The following FRMD4A variants were observed in gnomAD, a reference collection of about 807,000 sequenced individuals.
The protein encoded by FRMD4A is FERM domain containing 4A.
Under a neutral mutation model 129.1 loss-of-function variants are expected in FRMD4A, and 29 were observed. That is an observed-to-expected ratio of 0.22 (90% CI 0.17 to 0.31). The LOEUF is 0.31. FRMD4A is among the 10% of genes least tolerant of loss of function. FRMD4A has a pLI of 1.00. For missense variants in FRMD4A, 1,272 were observed against 1,375.8 expected, an observed-to-expected ratio of 0.92 and a Z score of 1.19; for synonymous variants, 634 against 571.6, an observed-to-expected ratio of 1.11 and a Z score of -1.56.
intron 9 of FRMD4A, among the ~76,000 whole-genome samples, chr10:13,744,136 C>T (rs900587333): frequency 5.3e-5 from 8 of 152,000 alleles, no homozygotes; most frequent in African/African-American, 1.9e-4. Context: ...GATATGGTTC[C>T]CCGTCTTGGA....
intron 14 of FRMD4A, among the ~76,000 whole-genome samples, chr10:13,698,086 T>TGGAGGGAG (rs11268822): frequency 0.17 from 25,258 of 148,856 alleles, 2,252 homozygotes; most frequent in East Asian, 0.21. Context: ...GGAGAGCTGA[T>TGGAGGGAG]GGAGGGAGGG....
At chr10:13,718,076 G>A (rs182229768) in intron 12 of FRMD4A, among the ~76,000 whole-genome samples, 1 of 152,322 alleles carries the variant, frequency 6.6e-6, no homozygotes, top group Non-Finnish European at 1.5e-5. Context: ...GGAACACCTC[G>A]TGCTTCCAGA....
intron 2 of FRMD4A, among the ~76,000 whole-genome samples, chr10:14,073,864 C>T (rs1190994755): frequency 6.6e-6 from 1 of 152,138 alleles, no homozygotes; most frequent in Non-Finnish European, 1.5e-5. Context: ...GTAATCCCAG[C>T]ACTTTGGAAG....
At chr10:14,061,216 C>T (rs1278695565) in intron 2 of FRMD4A, among the ~76,000 whole-genome samples, 1 of 152,056 alleles carries the variant, frequency 6.6e-6, no homozygotes, top group South Asian at 2.1e-4. Flanking sequence ...GAGGCCGAAG[C>T]GGGTGGACTA....
At chr10:14,061,988 G>A (rs1239312176) in intron 2 of FRMD4A, among the ~76,000 whole-genome samples, 1 of 151,664 alleles carries the variant, frequency 6.6e-6, no homozygotes, top group Non-Finnish European at 1.5e-5. Context: ...GCAGCTAAAG[G>A]AATTCTGACA....
intron 6 of FRMD4A, among the ~76,000 whole-genome samples, chr10:13,772,505 TA>T (rs1189819729): frequency 6.6e-6 from 1 of 152,174 alleles, no homozygotes; most frequent in African/African-American, 2.4e-5. Flanking sequence ...GGGCCAGCCT[TA>T]CAAACATTCT....
chr10:13,654,853 T>C (rs202176317), intron 22 of FRMD4A: 9,696 of 346,382 alleles, frequency 0.028, 591 homozygotes, highest in African/African-American at 0.14. Flanking sequence ...CAGCAAAGAA[T>C]CTGATGTCCC....
intron 2 of FRMD4A, among the ~76,000 whole-genome samples, chr10:14,078,144 G>T (rs372307131): frequency 3.9e-5 from 6 of 152,160 alleles, no homozygotes; most frequent in African/African-American, 1.4e-4. Flanking sequence ...ATGAATAATC[G>T]TAATAAATAC....
In FRMD4A at chr10:13,656,968, G is replaced by T. The variant is rs777524534; in HGVS notation, c.2621C>A (p.Thr874Lys). The T allele has an allele frequency of 6.5e-7, 1 of 1,545,514 alleles. No homozygotes were observed. Among genetic ancestry groups the T allele is most frequent in the Non-Finnish European group, 8.7e-7 (1 of 1,153,352 alleles). ...GCTCTCCTTGAACAGGCCGCCCGCC[G>T]TGTAGGAGTTGGACGTCTTGAACTG... The part of the protein sequence containing the change: ...KAQFKTSNSY[T>K]AGGLFKESWR... The change falls in exon 22 of 25, where the codon ACG becomes AAG. Residue 874 changes from threonine (T) to lysine (K), a missense_variant. By Grantham distance (78) the Thr-to-Lys change is moderately conservative. Transcript: ENST00000357447.
At chr10:14,262,592 C>A (rs1435762209) in intron 2 of FRMD4A, among the ~76,000 whole-genome samples, 2 of 152,276 alleles carry the variant, frequency 1.3e-5, no homozygotes, top group Non-Finnish European at 1.5e-5. Flanking sequence ...CCTCATTCTC[C>A]TGACTCAGTC....
intron 2 of FRMD4A, among the ~76,000 whole-genome samples, chr10:14,051,243 C>T (rs1310268352): frequency 1.3e-5 from 2 of 152,224 alleles, no homozygotes; most frequent in Admixed American, 6.5e-5. Flanking sequence ...CCTCTCCTTA[C>T]CGAGTATCAC....
intron 2 of FRMD4A, among the ~76,000 whole-genome samples, chr10:14,217,584 G>T (rs1283593314): frequency 4.6e-5 from 7 of 152,060 alleles, no homozygotes; most frequent in Non-Finnish European, 8.8e-5. Context: ...GCCCAGTCCT[G>T]GTTATGTCTC....
chr10:14,247,692 G>C (rs1033113748), intron 2 of FRMD4A, among the ~76,000 whole-genome samples: 10 of 152,156 alleles, frequency 6.6e-5, no homozygotes, highest in South Asian at 2.1e-4. Context: ...ATTTAGGGAA[G>C]TCCGAGTGAA....
chr10:14,127,914 C>G (rs958931474), intron 2 of FRMD4A, among the ~76,000 whole-genome samples: 6 of 2,376 alleles, frequency 2.5e-3, no homozygotes, highest in African/African-American at 0.018. Flanking sequence ...TGCTTTCTTT[C>G]TTTCTTTCTT....
At chr10:13,876,022 G>A (rs2094485752) in intron 2 of FRMD4A, among the ~76,000 whole-genome samples, 1 of 152,236 alleles carries the variant, frequency 6.6e-6, no homozygotes, top group Non-Finnish European at 1.5e-5. Flanking sequence ...TTCAATGGAA[G>A]GAAGAACTTT....
chr10:14,095,043 T>C (rs1304318233), intron 2 of FRMD4A, among the ~76,000 whole-genome samples: 1 of 152,164 alleles, frequency 6.6e-6, no homozygotes, highest in Admixed American at 6.5e-5. Flanking sequence ...TGCATGTGTG[T>C]GTATGAACAT....
intron 2 of FRMD4A, among the ~76,000 whole-genome samples, chr10:13,897,542 C>T (rs1232406589): frequency 6.6e-6 from 1 of 152,202 alleles, no homozygotes; most frequent in Non-Finnish European, 1.5e-5. Flanking sequence ...GACCCTATGC[C>T]TGCTGAGTGC....
intron 22 of FRMD4A, chr10:13,655,760 A>ATTTTAT (rs2082088991): frequency 1.3e-5 from 2 of 151,898 alleles, no homozygotes; most frequent in South Asian, 4.2e-4. Context: ...TCTGACTCTC[A>ATTTTAT]TTTTATTCTT....
intron 3 of FRMD4A, among the ~76,000 whole-genome samples, chr10:13,847,480 T>G (rs574473333): frequency 3.1e-4 from 47 of 152,242 alleles, no homozygotes; most frequent in Non-Finnish European, 5.9e-4. Flanking sequence ...CACTCCTCTC[T>G]CAGGGGAGGG....
Sources: allele counts gnomAD v4.1 joint callset (sites outside exome capture counted in the v4.1 genomes callset), GRCh38; gene constraint gnomAD v4.1.1; transcripts MANE v1.5; gene names NCBI Gene and HGNC (gene_info 2026-07-23, HGNC 2026-07-21).